The following ZFP57 variants were observed in gnomAD, a reference collection of about 807,000 sequenced individuals.
The protein encoded by ZFP57 is zinc finger protein 57 homolog.
In ZFP57, 12 loss-of-function variants were observed where a neutral mutation model predicts 15.8. The observed-to-expected ratio is 0.76, with a 90% CI of 0.49 to 1.23. ZFP57 has a LOEUF of 1.23. Among genes scored for constraint, ZFP57 ranks in the 50% most tolerant of loss-of-function variants. ZFP57 has a pLI of 0.00. For synonymous variants in ZFP57, 203 were observed against 242.3 expected (o/e 0.84, Z 1.51); for missense variants, 536 against 654.9 (o/e 0.82, Z 1.98).
chr6:29,678,560 G>T (rs1046534597), intron 1 of ZFP57, among the ~76,000 whole-genome samples: 1 of 152,070 alleles, frequency 6.6e-6, no homozygotes, highest in African/African-American at 2.4e-5. Flanking sequence ...ATAATCATAT[G>T]CTGAGGTTGC....
Position 29,677,259 on chromosome 6 carries a change from A to G in ZFP57, c.-256T>C, listed in dbSNP as rs965257291. The G allele has an allele frequency of 3.5e-6, 2 of 564,028 alleles. No individual in the cohort carries two copies. Among genetic ancestry groups the G allele is most frequent in the Admixed American group, 3.1e-5 (1 of 32,512 alleles). 34.9% of individuals were successfully genotyped at this position (564,028 alleles called of 1,614,324 possible). A position where few individuals can be genotyped will look rare whatever the true frequency, so the allele number is the denominator to read the frequency against. ...ATTTTGCTTCCCTCAAAGCTGGGCC[A>G]CCGAGTTCAGGGCCCTGGTCACCCT... On this transcript the variant is annotated 5_prime_UTR_variant, in exon 2 of 5. Coordinates refer to ENST00000376883, the MANE Select transcript of ZFP57 (RefSeq NM_001109809.5).
chr6:29,673,486 C>T lies in ZFP57; in HGVS notation c.625G>A (p.Gly209Arg). The T allele has an allele frequency of 6.2e-7, 1 of 1,613,122 alleles. No individual in the cohort carries two copies. Among genetic ancestry groups the T allele is most frequent in the Non-Finnish European group, 8.5e-7 (1 of 1,180,052 alleles). The change falls in exon 5 of 5, where the codon GGG becomes AGG. Residue 209 changes from glycine to arginine, a missense_variant. Transcript: ENST00000376883. The surrounding 1 kb of genome is among the most constrained non-coding windows in gnomAD (Gnocchi z 4.7). ...PKLTNSCSQC[G>R]KLFRSPKSLS... ...GACTTGGGGCTCCGAAACAACTTCC[C>T]ACACTGACTGCAGCTGTTAGTCAGC...
At chr6:29,676,551 A>AAAG (rs1554212923) in intron 2 of ZFP57, among the ~76,000 whole-genome samples, 1 of 88,084 alleles carries the variant, frequency 1.1e-5, no homozygotes, top group African/African-American at 3.3e-5. Flanking sequence ...AAAAAAAAAG[A>AAAG]AAAAAAAAAA....
intron 2 of ZFP57, 37 bp from the exon 3 acceptor site, chr6:29,676,096 A>ATG: frequency 9.4e-7 from 1 of 1,066,842 alleles, no homozygotes; most frequent in Non-Finnish European, 1.3e-6. Context: ...GTTTATATAA[A>ATG]TATATATGTG....
At chr6:29,678,766 A>G (rs1208601587) in intron 1 of ZFP57, among the ~76,000 whole-genome samples, 2 of 152,210 alleles carry the variant, frequency 1.3e-5, no homozygotes, top group Non-Finnish European at 2.9e-5. Context: ...AGGGTTTGGT[A>G]CTATTCATGG....
In ZFP57 at chr6:29,672,670, G is replaced by T. The variant is rs1445158078; in HGVS notation, c.1441C>A (p.Gln481Lys). 3 of 1,611,642 alleles carry T rather than the reference G, an allele frequency of 1.9e-6. No individual in the cohort carries two copies. The highest frequency in any genetic ancestry group is 3.3e-5 in the Admixed American group (2 of 59,980). The change falls in exon 5 of 5, where the codon CAG (glutamine) becomes AAG (lysine). Residue 481 changes from glutamine to lysine, a missense_variant. Gln to Lys is a moderately conservative substitution (Grantham distance 53, BLOSUM62 1). Coordinates refer to ENST00000376883, the MANE Select transcript of ZFP57 (RefSeq NM_001109809.5). Reference sequence around the variant, plus strand: ...ACATCATGAGAGAAGCCAAGCCACTGGCCCAGGATCACCCGGCATTTATGG... The same window carrying T: ...ACATCATGAGAGAAGCCAAGCCACTTGCCCAGGATCACCCGGCATTTATGG... ...SHHKCRVILG[Q>K]WLGFSHDVPT...
At position 29,672,754 on chromosome 6, in the gene ZFP57, C is replaced by G; in HGVS notation, c.1357G>C (p.Glu453Gln). ...CCCCTCCAGTGATCCATAAGGCCCTCTTTCTCCCCAAAGGAGAGGTCACAG... is the reference window on the plus strand; with the variant it reads ...CCCCTCCAGTGATCCATAAGGCCCTGTTTCTCCCCAAAGGAGAGGTCACAG... ...PICDLSFGEK[E>Q]GLMDHWRGYK... The change falls in exon 5 of 5, where the codon GAG becomes CAG. Residue 453 changes from glutamate (E) to glutamine (Q), a missense_variant. Transcript: ENST00000376883. 6.2e-7 allele frequency: 1 copy of G among 1,613,050 alleles called. No individual in the cohort carries two copies. The highest frequency in any genetic ancestry group is 1.7e-5 in the Admixed American group (1 of 60,020).
At chr6:29,679,910 CA>C (rs67398923) in intron 1 of ZFP57, among the ~76,000 whole-genome samples, 28,440 of 107,246 alleles carry the variant, frequency 0.27, 2,992 homozygotes, top group Admixed American at 0.37. Flanking sequence ...AACAAACAAA[CA>C]AAAAAAAACG....
In ZFP57 at chr6:29,672,651, T is replaced by A; in HGVS notation, c.1460A>T (p.His487Leu). ...CTCCCCAGCCATAGTGGGGACATCA[T>A]GAGAGAAGCCAAGCCACTGGCCCAG... The part of the protein sequence containing the change: ...VILGQWLGFS[H>L]DVPTMAGEEW... Residue 487 changes from histidine (H) to leucine (L), a missense_variant, in exon 5 of 5, where the codon CAT (histidine) becomes CTT (leucine). Transcript: ENST00000376883. The A allele has an allele frequency of 6.2e-7, 1 of 1,611,372 alleles. No individual in the cohort carries two copies.
chr6:29,677,709 C>T (rs2127548583), intron 1 of ZFP57, among the ~76,000 whole-genome samples: 1 of 151,954 alleles, frequency 6.6e-6, no homozygotes, highest in South Asian at 2.1e-4. Context: ...GACTTGGTTT[C>T]ATCAGAAATG....
chr6:29,676,560 A>AAAAAAAGAAAAAAAAT (rs1562226873), intron 2 of ZFP57, among the ~76,000 whole-genome samples: 5 of 144,386 alleles, frequency 3.5e-5, no homozygotes, highest in South Asian at 2.2e-4. Flanking sequence ...GAAAAAAAAA[A>AAAAAAAGAAAAAAAAT]AAAGGAAAGG....
intron 4 of ZFP57, 24 bp downstream of exon 4, chr6:29,675,362 T>C (rs1259890992): frequency 6.4e-7 from 1 of 1,570,904 alleles, no homozygotes; most frequent in South Asian, 1.1e-5. Flanking sequence ...CTTTTCCCCT[T>C]CCTCCCTGCT....
chr6:29,680,914 TC>T (rs1772313302), intron 1 of ZFP57, 147 bp downstream of exon 1: 1 of 151,314 alleles, frequency 6.6e-6, no homozygotes, highest in Admixed American at 6.6e-5. Flanking sequence ...AACCCACGTT[TC>T]CCCGGAGGAC....
rs746634665 is a variant in ZFP57, at chr6:29,673,726, G to A, written c.385C>T (p.Pro129Ser). 3 of 1,612,994 alleles carry A rather than the reference G, an allele frequency of 1.9e-6. No individual in the cohort carries two copies. The highest frequency in any genetic ancestry group is 2.5e-6 in the Non-Finnish European group (3 of 1,180,052). The change falls in exon 5 of 5, where the codon CCC (proline) becomes TCC (serine). Residue 129 changes from proline to serine, a missense_variant. Transcript: ENST00000376883. The surrounding 1 kb of genome is among the most constrained non-coding windows in gnomAD (Gnocchi z 4.7). ...CTAGTCCCCTCATCTCTCAGACTGG[G>A]ATGTTGTTCTCGAAGCTCTTTCTTC... ...GKKKELREQH[P>S]SLRDEGTSDD...
At chr6:29,674,561 A>G (rs1370923990) in intron 4 of ZFP57, among the ~76,000 whole-genome samples, 1 of 152,122 alleles carries the variant, frequency 6.6e-6, no homozygotes, top group African/African-American at 2.4e-5. Flanking sequence ...CATCATGAAC[A>G]CTGGGCCACT....
intron 3 of ZFP57, 32 bp downstream of exon 3, chr6:29,675,900 AG>A (rs745931276): frequency 3.1e-6 from 5 of 1,612,946 alleles, no homozygotes; most frequent in Non-Finnish European, 3.4e-6. Flanking sequence ...CCCTTAGGAC[AG>A]GGGGCTTGCT....
intron 1 of ZFP57, among the ~76,000 whole-genome samples, chr6:29,679,535 T>G (rs573659940): frequency 6.6e-6 from 1 of 152,288 alleles, no homozygotes; most frequent in Non-Finnish European, 1.5e-5. Flanking sequence ...TTCGCACTCC[T>G]TTTATGAGGC....
Position 29,675,387 on chromosome 6 carries a change from T to G in ZFP57, c.351A>C (p.Ser117=). 1 of 1,613,054 alleles carries G rather than the reference T, an allele frequency of 6.2e-7. No individual in the cohort carries two copies. The highest frequency in any genetic ancestry group is 8.5e-7 in the Non-Finnish European group (1 of 1,179,034). The change falls in exon 4 of 5, where the codon TCA becomes TCC. Residue 117 remains serine, a splice_region_variant and synonymous_variant. Transcript: ENST00000376883. ...TCCTCCCTGCTTGGCAATTCTTACC[T>G]GAAAGGCCTTCTGTGTTTGGGAGAT... ...FVHLPNTEGL[S]EGKKKELREQ...
At position 29,677,219 on chromosome 6, in the gene ZFP57, C is replaced by A; in HGVS notation, c.-216G>T. The A allele has an allele frequency of 1.5e-6, 1 of 646,202 alleles. No homozygotes were observed. The highest frequency in any genetic ancestry group is 2.7e-6 in the Non-Finnish European group (1 of 376,416). 40.0% of individuals were successfully genotyped at this position (646,202 alleles called of 1,614,324 possible). ...GTTCTGCTGTCCAAATTCTCCTCTTCCACAATTGAGAACAATTTTGCTTCC... is the reference window on the plus strand; with the variant it reads ...GTTCTGCTGTCCAAATTCTCCTCTTACACAATTGAGAACAATTTTGCTTCC... On this transcript the variant is annotated 5_prime_UTR_variant, in exon 2 of 5. Transcript: ENST00000376883.
Sources: gnomAD v4.1 joint callset for allele counts (sites outside exome capture counted in the v4.1 genomes callset) on GRCh38, gnomAD v4.1.1 for gene constraint, Gnocchi (gnomAD v3.1) non-coding constraint, MANE v1.5 for transcripts, NCBI Gene and HGNC (gene_info 2026-07-23, HGNC 2026-07-21) for gene names.